CCL28: variants seen among roughly 807,000 people sequenced by gnomAD.
The protein encoded by CCL28 is C-C motif chemokine ligand 28.
CCL28 carries 4 observed loss-of-function variants against 7.1 expected under a neutral mutation model. The ratio of observed to expected loss-of-function variants is 0.56; its 90% CI spans 0.28 to 1.29. The LOEUF is 1.29. Ranked by LOEUF, CCL28 falls within the 50% of genes most tolerant of loss-of-function variation. CCL28 has a pLI of 0.11. For missense variants in CCL28, 151 were observed against 163.4 expected (o/e 0.92, Z 0.41); for synonymous variants, 55 against 57.8 (o/e 0.95, Z 0.22).
At chr5:43,382,977 C>A (rs10052384) in intron 2 of CCL28, among the ~76,000 whole-genome samples, 8,660 of 152,010 alleles carry the variant, frequency 0.057, 541 homozygotes, top group African/African-American at 0.16. Context: ...CACCACCACA[C>A]CTGGCTAATT....
rs2111695175 is a variant in CCL28 at position 43,381,645 on chromosome 5, C to T, written c.*215G>A. On this transcript the variant is annotated 3_prime_UTR_variant, in exon 3 of 3. Transcript: ENST00000361115. ...GAAGTGCTGGGATAAAAGGTGTGAA[C>T]CACCATACCCAGCCAGTATTATCTT... is the stretch of plus-strand genomic sequence containing the variant. The T allele has an allele frequency of 1.0e-5, 5 of 479,318 alleles. No individual in the cohort carries two copies. The highest frequency in any genetic ancestry group is 1.8e-5 in the Non-Finnish European group (5 of 272,144). 29.7% of individuals were successfully genotyped at this position (479,318 alleles called of 1,614,324 possible).
the CCL28 span, among the ~76,000 whole-genome samples, chr5:43,360,004 C>A: frequency 6.6e-6 from 1 of 152,118 alleles, no homozygotes; most frequent in African/African-American, 2.4e-5. Context: ...ATTCAGGGTT[C>A]TCAGGGAGGC....
chr5:43,399,533 T>C (rs1478553307), intron 1 of CCL28, among the ~76,000 whole-genome samples: 7 of 152,214 alleles, frequency 4.6e-5, no homozygotes, highest in Admixed American at 4.6e-4. Context: ...GTATTAGTGC[T>C]AAAAAAGTTT....
In CCL28 at chr5:43,379,352, TTTA is replaced by T. The variant is rs1740012818; in HGVS notation, c.*2505_*2507del. The T allele has an allele frequency of 1.3e-5, 2 of 152,192 alleles. No individual in the cohort carries two copies. Among genetic ancestry groups the T allele is most frequent in the Admixed American group, 1.3e-4 (2 of 15,280 alleles). 9.4% of individuals were successfully genotyped at this position (152,192 alleles called of 1,614,324 possible). A position where few individuals can be genotyped will look rare whatever the true frequency, so the allele number is the denominator to read the frequency against. On this transcript the variant is annotated 3_prime_UTR_variant, in exon 3 of 3. Coordinates refer to ENST00000361115, the MANE Select transcript of CCL28 (RefSeq NM_148672.3). ...ACGGTTAATTAATTTAAAATTGTGG[TTTA>T]TTAATATTTTAAGTTACTCTCATAT...
At chr5:43,377,491 C>CAAAAAAAAAAAAAAAAAAAA (rs541924162), downstream of CCL28, 1 of 102,056 alleles carries the variant, frequency 9.8e-6, no homozygotes, top group Admixed American at 1.3e-4. Flanking sequence ...GACTCTGTAT[C>CAAAAAAAAAAAAAAAAAAAA]AAAAAAAAAA....
intron 2 of CCL28, among the ~76,000 whole-genome samples, chr5:43,384,650 T>C (rs901480266): frequency 6.6e-6 from 1 of 152,086 alleles, no homozygotes; most frequent in Admixed American, 6.6e-5. Context: ...CCCTTTTTTT[T>C]TTTCTTAACC....
chr5:43,407,176 G>A (rs145298504), intron 1 of CCL28, among the ~76,000 whole-genome samples: 2 of 152,146 alleles, frequency 1.3e-5, no homozygotes, highest in African/African-American at 4.8e-5. Context: ...AGGAGCCCAC[G>A]TTGCCAAGAC....
intron 1 of CCL28, among the ~76,000 whole-genome samples, chr5:43,406,701 A>T (rs1010854982): frequency 4.6e-5 from 7 of 152,132 alleles, no homozygotes; most frequent in Non-Finnish European, 1.0e-4. Flanking sequence ...GGAAGTCAAA[A>T]TGTCCCTGTC....
rs1740082707 is a variant in CCL28, at chr5:43,380,850, T to C, written c.*1010A>G. On this transcript the variant is annotated 3_prime_UTR_variant, in exon 3 of 3. Transcript: ENST00000361115. The stretch of plus-strand genomic sequence containing the variant: ...AATTAAAAAAAAAAGACAGAGGAAC[T>C]TTCTTAGATTGAAAGATATTAAAGA... The C allele has an allele frequency of 6.6e-6, 1 of 151,934 alleles. No individual in the cohort carries two copies. Among genetic ancestry groups the C allele is most frequent in the Admixed American group, 6.6e-5 (1 of 15,250 alleles). The allele number at this position is 151,934 out of a possible 1,614,324, so 9.4% of individuals were successfully genotyped here. A position where few individuals can be genotyped will look rare whatever the true frequency, so the allele number is the denominator to read the frequency against.
chr5:43,362,248 C>A, the CCL28 span, among the ~76,000 whole-genome samples: 6 of 152,074 alleles, frequency 3.9e-5, no homozygotes, highest in Admixed American at 1.3e-4. Flanking sequence ...ATTTTTGTGG[C>A]AGTTATGAAT....
intron 1 of CCL28, among the ~76,000 whole-genome samples, chr5:43,396,457 G>A (rs562202863): frequency 6.6e-6 from 1 of 152,152 alleles, no homozygotes; most frequent in Non-Finnish European, 1.5e-5. Flanking sequence ...TTTAAGATGG[G>A]AGTTGCTCTG....
the CCL28 span, among the ~76,000 whole-genome samples, chr5:43,367,918 A>G: frequency 7.2e-5 from 11 of 152,342 alleles, no homozygotes; most frequent in African/African-American, 2.6e-4. Context: ...GATATTTCCC[A>G]TACAAATCTT....
chr5:43,408,320 TGAG>T (rs1296201803), intron 1 of CCL28, among the ~76,000 whole-genome samples: 9 of 152,138 alleles, frequency 5.9e-5, no homozygotes, highest in African/African-American at 2.2e-4. Context: ...TAAAAAAGGA[TGAG>T]TTCATGTCCT....
downstream of CCL28, among the ~76,000 whole-genome samples, chr5:43,377,979 G>T (rs991096109): frequency 2.3e-5 from 3 of 132,562 alleles, no homozygotes; most frequent in Non-Finnish European, 4.6e-5. Flanking sequence ...TGATCCGCCC[G>T]CCTCGGCCTC....
the CCL28 span, among the ~76,000 whole-genome samples, chr5:43,370,828 G>GA: frequency 2.0e-5 from 3 of 148,806 alleles, no homozygotes; most frequent in Non-Finnish European, 4.4e-5. Context: ...TGCAACCTCT[G>GA]ACTCCTGGGT....
intron 1 of CCL28, among the ~76,000 whole-genome samples, chr5:43,394,093 C>T (rs1242081393): frequency 2.0e-5 from 3 of 152,246 alleles, no homozygotes; most frequent in Non-Finnish European, 4.4e-5. Context: ...ACAGAACCAC[C>T]CCATCTCACT....
At chr5:43,405,858 A>G (rs1397276924) in intron 1 of CCL28, among the ~76,000 whole-genome samples, 2 of 152,230 alleles carry the variant, frequency 1.3e-5, no homozygotes, top group Non-Finnish European at 2.9e-5. Context: ...ATCAGAGAAT[A>G]CTATAAACAC....
Position 43,380,129 on chromosome 5 carries a change from A to C in CCL28, c.*1731T>G, listed in dbSNP as rs1326711756. ...GAGTGAGACTCTGTCTCAAAAAAAAACAACCAAACAACAACAAAAACGTGT... is the reference window on the plus strand; with the variant it reads ...GAGTGAGACTCTGTCTCAAAAAAAACCAACCAAACAACAACAAAAACGTGT... On this transcript the variant is annotated 3_prime_UTR_variant, in exon 3 of 3. Transcript: ENST00000361115. 6.6e-6 allele frequency: 1 copy of C among 152,136 alleles called. No individual in the cohort carries two copies. Among genetic ancestry groups the C allele is most frequent in the Non-Finnish European group, 1.5e-5 (1 of 68,068 alleles). 9.4% of individuals were successfully genotyped at this position (152,136 alleles called of 1,614,324 possible).
At chr5:43,358,817 A>T in the CCL28 span, among the ~76,000 whole-genome samples, 1 of 152,208 alleles carries the variant, frequency 6.6e-6, no homozygotes, top group Non-Finnish European at 1.5e-5. Context: ...AAATAGTCCC[A>T]TACTTTTTCT....
Sources: allele counts gnomAD v4.1 joint callset (sites outside exome capture counted in the v4.1 genomes callset), GRCh38; gene constraint gnomAD v4.1.1; transcripts MANE v1.5; gene names NCBI Gene and HGNC (gene_info 2026-07-23, HGNC 2026-07-21).